Variants in MSRA observed in about 807,000 individuals in gnomAD.
MSRA encodes mitochondrial peptide methionine sulfoxide reductase.
MSRA carries 54 observed loss-of-function variants against 31.3 expected under a neutral mutation model. That is an observed-to-expected ratio of 1.73 (90% CI 1.39 to 2.17). The LOEUF is 2.17. Ranked by LOEUF, MSRA falls within the 30% of genes most tolerant of loss-of-function variation. The probability of loss-of-function intolerance (pLI) is 0.00; values close to 1 mark genes in which losing one functional copy is unlikely to be tolerated. For missense variants in MSRA, 507 were observed against 300.9 expected (o/e 1.69, Z -5.07); for synonymous variants, 169 against 116.5 (o/e 1.45, Z -2.90).
chr8:10,090,430 T>C (rs186432486), intron 1 of MSRA, among the ~76,000 whole-genome samples: 1 of 152,210 alleles, frequency 6.6e-6, no homozygotes, highest in African/African-American at 2.4e-5. Flanking sequence ...AGTTAATGTA[T>C]AGTATTGCCT....
intron 2 of MSRA, among the ~76,000 whole-genome samples, chr8:10,218,063 G>C (rs1348638863): frequency 6.6e-6 from 1 of 151,898 alleles, no homozygotes; most frequent in Admixed American, 6.6e-5. Flanking sequence ...ATCAGCATCT[G>C]TAAGTGGTGG....
At chr8:10,277,712 G>C (rs763948604) in intron 3 of MSRA, among the ~76,000 whole-genome samples, 1 of 152,000 alleles carries the variant, frequency 6.6e-6, no homozygotes, top group Admixed American at 6.6e-5. Context: ...AAAATAAATG[G>C]CTATCTAATT....
intron 1 of MSRA, among the ~76,000 whole-genome samples, chr8:10,065,781 G>C (rs1400442328): frequency 1.3e-5 from 2 of 152,146 alleles, no homozygotes; most frequent in African/African-American, 2.4e-5. Context: ...AGTTTTTAAA[G>C]TGAGGACTGT....
At chr8:10,361,193 C>G (rs1259200501) in intron 5 of MSRA, among the ~76,000 whole-genome samples, 1 of 152,152 alleles carries the variant, frequency 6.6e-6, no homozygotes, top group Non-Finnish European at 1.5e-5. Flanking sequence ...ACCAGAGACA[C>G]TTAATGCCAC....
chr8:10,076,986 TG>T (rs1242199559), intron 1 of MSRA, among the ~76,000 whole-genome samples: 2 of 148,692 alleles, frequency 1.3e-5, no homozygotes, highest in Admixed American at 6.8e-5. Context: ...ATGTGTGCCA[TG>T]GTGGTTTGCT....
At chr8:10,241,703 G>T (rs1444797807) in intron 2 of MSRA, among the ~76,000 whole-genome samples, 1 of 152,150 alleles carries the variant, frequency 6.6e-6, no homozygotes, top group Non-Finnish European at 1.5e-5. Flanking sequence ...AGACATGAAA[G>T]AGACAACTAG....
At chr8:10,181,740 G>A (rs1312650152) in intron 1 of MSRA, among the ~76,000 whole-genome samples, 3 of 152,156 alleles carry the variant, frequency 2.0e-5, no homozygotes, top group Admixed American at 2.0e-4. Flanking sequence ...AGAAGTGGTC[G>A]TGGTCCAGAC....
chr8:10,277,679 T>G (rs970601181), intron 3 of MSRA, among the ~76,000 whole-genome samples: 1 of 152,196 alleles, frequency 6.6e-6, no homozygotes, highest in Non-Finnish European at 1.5e-5. Flanking sequence ...TTGTATATAC[T>G]TAATTGCTTA....
At chr8:10,227,525 C>G (rs1188906593) in intron 2 of MSRA, among the ~76,000 whole-genome samples, 1 of 152,168 alleles carries the variant, frequency 6.6e-6, no homozygotes, top group African/African-American at 2.4e-5. Flanking sequence ...AATTCTGATT[C>G]TTGACCCCTC....
intron 1 of MSRA, among the ~76,000 whole-genome samples, chr8:10,126,893 T>C (rs1342361776): frequency 6.6e-6 from 1 of 152,242 alleles, no homozygotes; most frequent in Admixed American, 6.5e-5. Context: ...CCTATGAGAA[T>C]GCAATGCTGC....
intron 5 of MSRA, among the ~76,000 whole-genome samples, chr8:10,398,548 A>C (rs1330334707): frequency 6.6e-6 from 1 of 152,224 alleles, no homozygotes; most frequent in Non-Finnish European, 1.5e-5. Flanking sequence ...AGAAAAACAG[A>C]GTGCCCAGAA....
intron 5 of MSRA, chr8:10,337,490 G>T (rs879005623): frequency 3.7e-6 from 2 of 536,726 alleles, no homozygotes; most frequent in South Asian, 2.3e-5. Context: ...AGCCTATGTC[G>T]CTTTTAAGAT....
intron 1 of MSRA, among the ~76,000 whole-genome samples, chr8:10,143,596 C>A (rs1449920689): frequency 2.6e-5 from 4 of 152,172 alleles, no homozygotes; most frequent in African/African-American, 9.7e-5. Flanking sequence ...CGCTCCCTGT[C>A]ATTTTCCCCG....
chr8:10,320,143 T>G (rs1801966050), intron 5 of MSRA, 154 bp downstream of exon 5: 1 of 558,040 alleles, frequency 1.8e-6, no homozygotes, highest in South Asian at 2.6e-5. Context: ...GTGGAGCCAT[T>G]GTGTCTAATA....
At chr8:10,232,529 A>C (rs1811581929) in intron 2 of MSRA, among the ~76,000 whole-genome samples, 1 of 152,210 alleles carries the variant, frequency 6.6e-6, no homozygotes, top group Non-Finnish European at 1.5e-5. Flanking sequence ...AGGTATTTTT[A>C]GAGAATCACA....
At chr8:10,198,840 G>A (rs1366415779) in intron 1 of MSRA, among the ~76,000 whole-genome samples, 4 of 152,120 alleles carry the variant, frequency 2.6e-5, no homozygotes, top group Non-Finnish European at 5.9e-5. Flanking sequence ...TGTTGCCCAG[G>A]TTGGCTTTTG....
chr8:10,170,790 G>A (rs752792768), intron 1 of MSRA, among the ~76,000 whole-genome samples: 3 of 152,194 alleles, frequency 2.0e-5, no homozygotes, highest in Non-Finnish European at 4.4e-5. Flanking sequence ...CAACTATACT[G>A]TTGTTTATGA....
intron 1 of MSRA, among the ~76,000 whole-genome samples, chr8:10,085,916 C>A (rs1013311638): frequency 4.6e-5 from 7 of 152,190 alleles, no homozygotes; most frequent in East Asian, 3.8e-4. Context: ...GTTGCACTTA[C>A]TAGTAATTGT....
At chr8:10,390,517 A>G (rs1375130078) in intron 5 of MSRA, among the ~76,000 whole-genome samples, 1 of 152,210 alleles carries the variant, frequency 6.6e-6, no homozygotes, top group Non-Finnish European at 1.5e-5. Context: ...CATCCTGTGC[A>G]CATTTATGAC....
Sources: allele counts gnomAD v4.1 joint callset (sites outside exome capture counted in the v4.1 genomes callset), GRCh38; gene constraint gnomAD v4.1.1; transcripts MANE v1.5; gene names NCBI Gene and HGNC (gene_info 2026-07-23, HGNC 2026-07-21).